The following AIFM3 variants were observed in gnomAD, a reference collection of about 807,000 sequenced individuals.
AIFM3 encodes apoptosis-inducing factor 3.
AIFM3 carries 71 observed loss-of-function variants against 82.7 expected under a neutral mutation model. That is an observed-to-expected ratio of 0.86 (90% CI 0.71 to 1.05). AIFM3 has a LOEUF of 1.05. AIFM3 is among the 50% of genes least tolerant of loss of function. The pLI is 0.00. For missense variants in AIFM3, 748 were observed against 816.7 expected (o/e 0.92, Z 1.03); for synonymous variants, 337 against 329.1 (o/e 1.02, Z -0.26).
chr22:20,974,648 G>A (rs1021391494), intron 7 of AIFM3, 27 bp downstream of exon 7: 1 of 1,613,262 alleles, frequency 6.2e-7, no homozygotes. Context: ...TGAGGGGCAG[G>A]GTGGGAGATG....
intron 8 of AIFM3, among the ~76,000 whole-genome samples, chr22:20,975,291 G>T (rs1410468759): frequency 6.6e-6 from 1 of 151,812 alleles, no homozygotes; most frequent in Non-Finnish European, 1.5e-5. Flanking sequence ...ACAGAGTCTT[G>T]CTCTGTCACT....
At chr22:20,980,430 T>C (rs904363331) in intron 19 of AIFM3, 4 of 596,422 alleles carry the variant, frequency 6.7e-6, no homozygotes, top group Non-Finnish European at 1.2e-5. Flanking sequence ...TAACTGGACA[T>C]AGTTGTGCTG....
At position 20,973,387 on chromosome 22, in the gene AIFM3, C is replaced by G; in HGVS notation, c.112C>G (p.Arg38Gly). The change falls in exon 3 of 21, where the codon CGG becomes GGG. Residue 38 changes from arginine (R) to glycine (G), a missense_variant. Coordinates refer to ENST00000440238, the MANE Select transcript of AIFM3 (RefSeq NM_001386814.1). ...GTCGGCCAGTGGGAAGGGCAGCCCC[C>G]GGGCCTACCAGGGCAATGGCACGGC... ...ELSASGKGSP[R>G]AYQGNGTARH... 7 of 1,610,584 alleles carry G rather than the reference C, an allele frequency of 4.3e-6. No individual in the cohort carries two copies. Among genetic ancestry groups the G allele is most frequent in the South Asian group, 1.1e-5 (1 of 90,606 alleles).
At chr22:20,970,511 A>T (rs1923201400) in intron 2 of AIFM3, among the ~76,000 whole-genome samples, 1 of 151,996 alleles carries the variant, frequency 6.6e-6, no homozygotes, top group African/African-American at 2.4e-5. Context: ...CCCAGGCTGG[A>T]GTGCAATGGC....
intron 9 of AIFM3, 91 bp from the exon 10 acceptor site, chr22:20,976,124 G>A (rs1569148906): frequency 7.2e-7 from 1 of 1,396,334 alleles, no homozygotes; most frequent in Non-Finnish European, 1.0e-6. Flanking sequence ...AGAGGCTGTG[G>A]CTGGGCTGTG....
chr22:20,980,296 A>C lies in AIFM3; in HGVS notation c.1757+172A>C, dbSNP rs938313376. ...GGTGTGGGGCAAGGATCATGGTTTG[A>C]GAGCAGGCTGGTTATGTGTTCATGG... On this transcript the variant is annotated intron_variant, in intron 19 of 20. Coordinates refer to ENST00000440238, the MANE Select transcript of AIFM3 (RefSeq NM_001386814.1). 8 of 633,022 alleles carry C rather than the reference A, an allele frequency of 1.3e-5. No individual in the cohort carries two copies. In the Admixed American group the frequency reaches 2.3e-4, roughly 18 times the overall value. 39.2% of individuals were successfully genotyped at this position (633,022 alleles called of 1,614,324 possible).
chr22:20,975,692 T>TC lies in AIFM3; in HGVS notation c.724dup (p.Leu242ProfsTer6). On this transcript the variant is annotated frameshift_variant and splice_region_variant, in exon 9 of 21. Coordinates refer to ENST00000440238, the MANE Select transcript of AIFM3 (RefSeq NM_001386814.1). LOFTEE classifies it high-confidence loss of function. ...CTCTCAAGCTGGCTCTCCCCTGCAG[T>TC]CCCTGGACACACAGCCTGAGCAGCT... is the stretch of plus-strand genomic sequence containing the variant. 1.2e-6 allele frequency: 2 copies of TC among 1,613,674 alleles called. No individual in the cohort carries two copies. The highest frequency in any genetic ancestry group is 1.3e-5 in the African/African-American group (1 of 75,062).
In AIFM3 at chr22:20,976,763, G is replaced by T; in HGVS notation, c.1143G>T (p.Met381Ile). ...GGGAGCGCGTGGGTCGTGCCCTCAT[G>T]AAGGTGAGCCCACCCCAGCACCCAG... is the stretch of plus-strand genomic sequence containing the variant. ...FLGERVGRAL[M>I]KMFENNRVKF... The change falls in exon 12 of 21, where the codon ATG (methionine) becomes ATT (isoleucine). Residue 381 changes from methionine to isoleucine, a missense_variant. Physicochemically the swap from Met to Ile is conservative, Grantham distance 10. Transcript: ENST00000440238. 3 of 1,612,348 alleles carry T rather than the reference G, an allele frequency of 1.9e-6. No individual in the cohort carries two copies. The highest frequency in any genetic ancestry group is 2.5e-6 in the Non-Finnish European group (3 of 1,179,174).
Position 20,974,112 on chromosome 22 carries a change from C to T in AIFM3, c.405C>T (p.Phe135=). 12 of 1,613,188 alleles carry T rather than the reference C, an allele frequency of 7.4e-6. No homozygotes were observed. The highest frequency in any genetic ancestry group is 1.0e-5 in the Non-Finnish European group (12 of 1,179,926). ...GCTGCCCCTGGCACGGCGCCTGCTT[C>T]AACATCAGCACTGGGGACCTGGAGG... ...RVRCPWHGAC[F]NISTGDLEDF... Residue 135 remains phenylalanine (F), a synonymous_variant, in exon 5 of 21, where the codon TTC becomes TTT. Transcript: ENST00000440238.
intron 9 of AIFM3, 105 bp from the exon 10 acceptor site, chr22:20,976,110 T>C: frequency 7.8e-7 from 1 of 1,275,530 alleles, no homozygotes; most frequent in South Asian, 1.3e-5. Flanking sequence ...AATGGGAGCT[T>C]CTCAGAGGCT....
Position 20,968,085 on chromosome 22 carries a change from CTATCCAAGAACCCGCTCGGAATGTTAA to C in AIFM3, c.31+113_31+139del. 2.6e-6 allele frequency: 3 copies of C among 1,171,046 alleles called. No homozygotes were observed. In the South Asian group the frequency reaches 4.5e-5, roughly 17 times the overall value. 72.5% of individuals were successfully genotyped at this position (1,171,046 alleles called of 1,614,324 possible). A position where few individuals can be genotyped will look rare whatever the true frequency, so the allele number is the denominator to read the frequency against. ...CGGTAGGCCTCCGAAGTAGGTCAGG[CTATCCAAGAACCCGCTCGGAATGTTAA>C]TACGCTGCCGCCAGGAGGGGGTAGG... On this transcript the variant is annotated intron_variant, in intron 2 of 20. Transcript: ENST00000440238.
Position 20,977,197 on chromosome 22 carries a change from T to A in AIFM3, c.1282+102T>A, listed in dbSNP as rs994374367. ...CCCTTCCCCTCCCAGAGCCTCAGTT[T>A]CCACCACATCTGTCAAATGGGAACC... On this transcript the variant is annotated intron_variant, in intron 14 of 20. Coordinates refer to ENST00000440238, the MANE Select transcript of AIFM3 (RefSeq NM_001386814.1). 9.3e-6 allele frequency: 14 copies of A among 1,497,836 alleles called. No homozygotes were observed. In the Admixed American group the frequency reaches 2.2e-4, roughly 24 times the overall value. The allele number at this position is 1,497,836 out of a possible 1,614,324, so 92.8% of individuals were successfully genotyped here. A position where few individuals can be genotyped will look rare whatever the true frequency, so the allele number is the denominator to read the frequency against.
rs750526067 is a variant in AIFM3 at position 20,976,943 on chromosome 22, GCCCTTCT to G, written c.1218+17_1218+23del. 15 of 1,612,362 alleles carry G rather than the reference GCCCTTCT, an allele frequency of 9.3e-6. No homozygotes were observed. In the South Asian group the frequency reaches 1.3e-4, roughly 14 times the overall value. On this transcript the variant is annotated splice_donor_region_variant and intron_variant, in intron 13 of 20. Transcript: ENST00000440238. ...CTGCGGGGCCAGGAGGGAAAGGTGG[GCCCTTCT>G]CCCTTCTCCCTGCTGCTTTCTGTCC...
intron 2 of AIFM3, among the ~76,000 whole-genome samples, chr22:20,970,593 T>C (rs1000184275): frequency 1.3e-5 from 2 of 152,198 alleles, no homozygotes; most frequent in African/African-American, 4.8e-5. Context: ...CCCAAGTAGC[T>C]GGGATTATAA....
At chr22:20,977,507 T>G (rs1923764789) in intron 14 of AIFM3, 193 bp from the exon 15 acceptor site, 2 of 650,240 alleles carry the variant, frequency 3.1e-6, no homozygotes, top group South Asian at 1.8e-5. Flanking sequence ...GAAGGTGATA[T>G]CTGAGGTCTT....
upstream of AIFM3, among the ~76,000 whole-genome samples, chr22:20,965,979 T>G (rs1922861785): frequency 6.6e-6 from 1 of 151,986 alleles, no homozygotes; most frequent in African/African-American, 2.4e-5. Flanking sequence ...ACTCTGGGGG[T>G]CCCTCCTGCC....
At chr22:20,967,721 G>A (rs1922988366) in intron 1 of AIFM3, 84 bp from the exon 2 acceptor site, 17 of 590,534 alleles carry the variant, frequency 2.9e-5, no homozygotes, top group Non-Finnish European at 4.2e-5. Flanking sequence ...GACTCTTTCC[G>A]AAGCTCCCAC....
At chr22:20,977,340 G>A (rs178272) in intron 14 of AIFM3, 262,685 of 614,638 alleles carry the variant, frequency 0.43, 57,363 homozygotes, top group East Asian at 0.62. Context: ...TCCATGCCCT[G>A]CGAGAGTTGA....
intron 3 of AIFM3, 24 bp downstream of exon 3, chr22:20,973,544 G>A (rs775539381): frequency 3.1e-6 from 5 of 1,598,766 alleles, no homozygotes; most frequent in African/African-American, 2.7e-5. Context: ...TTGCCTGGGA[G>A]CGGGGATCAG....
Sources: gnomAD v4.1 joint callset for allele counts (sites outside exome capture counted in the v4.1 genomes callset) on GRCh38, gnomAD v4.1.1 for gene constraint, MANE v1.5 for transcripts, NCBI Gene and HGNC (gene_info 2026-07-23, HGNC 2026-07-21) for gene names.